Variants in RPS6KC1 observed in about 807,000 individuals in gnomAD.
RPS6KC1 encodes ribosomal protein S6 kinase C1.
Under a neutral mutation model 103.8 loss-of-function variants are expected in RPS6KC1, and 54 were observed. The ratio of observed to expected loss-of-function variants is 0.52; its 90% CI spans 0.42 to 0.65. The LOEUF (loss-of-function observed/expected upper bound fraction) is 0.65, where lower values mean the gene tolerates loss of function less well. RPS6KC1 is among the 30% of genes least tolerant of loss of function. The pLI, the probability that RPS6KC1 is intolerant of heterozygous loss-of-function variation, is 0.00. For synonymous variants in RPS6KC1, 439 were observed against 438.7 expected (o/e 1.00, Z -0.01); for missense variants, 1,151 against 1,253.8 (o/e 0.92, Z 1.24).
intron 6 of RPS6KC1, among the ~76,000 whole-genome samples, chr1:213,156,487 T>C (rs891627118): frequency 2.0e-5 from 3 of 152,024 alleles, no homozygotes; most frequent in Admixed American, 2.0e-4. Context: ...GTCCAAAAAG[T>C]CCGATAAACC....
chr1:213,823,139 C>A, the RPS6KC1 span, among the ~76,000 whole-genome samples: 1 of 152,312 alleles, frequency 6.6e-6, no homozygotes, highest in Middle Eastern at 3.4e-3. Flanking sequence ...GGCACTCTCA[C>A]TCCACTCATT....
the RPS6KC1 span, among the ~76,000 whole-genome samples, chr1:213,554,051 G>GT: frequency 2.6e-5 from 4 of 152,080 alleles, no homozygotes; most frequent in African/African-American, 9.7e-5. Flanking sequence ...GTTAATGTTT[G>GT]TTTTTGGTTG....
the RPS6KC1 span, among the ~76,000 whole-genome samples, chr1:213,535,035 C>A: frequency 2.6e-5 from 4 of 152,230 alleles, no homozygotes; most frequent in African/African-American, 4.8e-5. Context: ...CTGCAAACTA[C>A]CTAGTGGCTT....
the RPS6KC1 span, among the ~76,000 whole-genome samples, chr1:213,696,099 T>C: frequency 6.6e-6 from 1 of 152,224 alleles, no homozygotes; most frequent in Non-Finnish European, 1.5e-5. Context: ...TTTCTGCCAC[T>C]CAGAATCAGT....
At chr1:213,589,848 G>T in the RPS6KC1 span, among the ~76,000 whole-genome samples, 1 of 151,834 alleles carries the variant, frequency 6.6e-6, no homozygotes, top group African/African-American at 2.4e-5. Flanking sequence ...GAGTTATCAG[G>T]CAATGGGCTG....
intron 6 of RPS6KC1, among the ~76,000 whole-genome samples, chr1:213,152,731 G>A (rs2089345658): frequency 1.3e-5 from 2 of 152,042 alleles, no homozygotes; most frequent in Non-Finnish European, 2.9e-5. Flanking sequence ...TGGCGGCCGG[G>A]CGGAGACGCT....
At chr1:213,317,547 A>G in the RPS6KC1 span, among the ~76,000 whole-genome samples, 1 of 152,168 alleles carries the variant, frequency 6.6e-6, no homozygotes, top group African/African-American at 2.4e-5. Flanking sequence ...TCACTTCCAT[A>G]AAGACCCCAT....
the RPS6KC1 span, among the ~76,000 whole-genome samples, chr1:213,441,658 C>G: frequency 1.4e-4 from 21 of 152,216 alleles, no homozygotes; most frequent in Admixed American, 9.8e-4. Flanking sequence ...TGGGTGCAGA[C>G]ATCTCTTTGA....
rs543611185 is a variant in RPS6KC1 at position 213,124,780 on chromosome 1, T to C, written c.473-4747T>C. Among the ~76,000 whole-genome samples the C allele has an allele frequency of 6.6e-5, 10 of 152,112 alleles. No individual in the cohort carries two copies. The East Asian group carries it at 1.9e-3, about 29-fold the overall frequency. ...TATGGAAGAGAAAGATATCAGTGAG[T>C]ACTAGAAGATGATTGGTTGCATTGT... On this transcript the variant is annotated intron_variant, in intron 5 of 14. Coordinates refer to ENST00000366960, the MANE Select transcript of RPS6KC1 (RefSeq NM_012424.6).
chr1:213,227,285 G>A (rs1380491614), intron 8 of RPS6KC1, among the ~76,000 whole-genome samples: 2 of 152,052 alleles, frequency 1.3e-5, no homozygotes, highest in Non-Finnish European at 2.9e-5. Context: ...TTCCCATGTC[G>A]TCATCTACCT....
chr1:213,416,090 T>C, the RPS6KC1 span, among the ~76,000 whole-genome samples: 1 of 152,104 alleles, frequency 6.6e-6, no homozygotes, highest in Non-Finnish European at 1.5e-5. Flanking sequence ...GGTGAGGGTG[T>C]TGAGGTGGGT....
chr1:213,240,964 G>A lies in RPS6KC1; in HGVS notation c.1488G>A (p.Lys496=), dbSNP rs1213886425. ...ATGATGGCCAAGATAGCTCTCCAAA[G>A]TGGCCAGATTCTGGTTCAAGTTCAG... is the stretch of plus-strand genomic sequence containing the variant. ...QEDDGQDSSP[K]WPDSGSSSEE... The change falls in exon 11 of 15, where the codon AAG becomes AAA. Residue 496 remains lysine, a synonymous_variant. Transcript: ENST00000366960. 4.3e-6 allele frequency: 7 copies of A among 1,613,756 alleles called. No homozygotes were observed. Among genetic ancestry groups the A allele is most frequent in the Non-Finnish European group, 5.9e-6 (7 of 1,179,950 alleles).
chr1:213,521,204 A>G, the RPS6KC1 span, among the ~76,000 whole-genome samples: 1 of 152,222 alleles, frequency 6.6e-6, no homozygotes, highest in Non-Finnish European at 1.5e-5. Context: ...CCAGACCACC[A>G]CAATAAAGGA....
the RPS6KC1 span, among the ~76,000 whole-genome samples, chr1:213,487,926 A>G: frequency 6.6e-6 from 1 of 152,030 alleles, no homozygotes; most frequent in African/African-American, 2.4e-5. Flanking sequence ...GCCTCTGGCT[A>G]TTGGTCTTTG....
chr1:213,551,363 C>A, the RPS6KC1 span, among the ~76,000 whole-genome samples: 1 of 152,096 alleles, frequency 6.6e-6, no homozygotes, highest in Admixed American at 6.5e-5. Flanking sequence ...GGAAAGTGCA[C>A]CAGGAAGTAA....
At position 213,274,121 on chromosome 1, in the gene RPS6KC1, A is replaced by T. The variant is rs1018647828; in HGVS notation, c.*1487A>T. ...CTTTTTCCTTTTTGGCCCCCTTATA[A>T]TCCAAACCCCAGCTGAAAGGCTGCA... On this transcript the variant is annotated 3_prime_UTR_variant, in exon 15 of 15. Transcript: ENST00000366960. 1 of 152,088 alleles carries T rather than the reference A, an allele frequency of 6.6e-6. No homozygotes were observed. The highest frequency in any genetic ancestry group is 1.5e-5 in the Non-Finnish European group (1 of 68,028). The allele number at this position is 152,088 out of a possible 1,614,324, so 9.4% of individuals were successfully genotyped here. A position where few individuals can be genotyped will look rare whatever the true frequency, so the allele number is the denominator to read the frequency against.
At chr1:213,079,918 CTTTTTTTT>C (rs550713502) in intron 3 of RPS6KC1, among the ~76,000 whole-genome samples, 3 of 130,186 alleles carry the variant, frequency 2.3e-5, no homozygotes, top group African/African-American at 5.7e-5. Context: ...TTCTTTTTTT[CTTTTTTTT>C]TTTTTTTGAG....
At chr1:213,812,803 A>T in the RPS6KC1 span, among the ~76,000 whole-genome samples, 2 of 152,172 alleles carry the variant, frequency 1.3e-5, no homozygotes, top group Non-Finnish European at 2.9e-5. Flanking sequence ...CTGGCCCTGG[A>T]TATTTAACTC....
chr1:213,424,031 T>C, the RPS6KC1 span, among the ~76,000 whole-genome samples: 1 of 152,246 alleles, frequency 6.6e-6, no homozygotes, highest in African/African-American at 2.4e-5. Flanking sequence ...CTACAGCCCA[T>C]GAAGCCTCCC....
Sources: allele counts gnomAD v4.1 joint callset (sites outside exome capture counted in the v4.1 genomes callset), GRCh38; gene constraint gnomAD v4.1.1; transcripts MANE v1.5; gene names NCBI Gene and HGNC (gene_info 2026-07-23, HGNC 2026-07-21).